Variants in GALK2 observed in about 807,000 individuals in gnomAD.
The protein encoded by GALK2 is galactokinase 2.
In GALK2, 36 loss-of-function variants were observed where a neutral mutation model predicts 52.4. The observed-to-expected ratio is 0.69, with a 90% CI of 0.53 to 0.91. The LOEUF is 0.91. Among genes scored for constraint, GALK2 ranks in the 40% least tolerant of loss-of-function variants. The pLI, the probability that GALK2 is intolerant of heterozygous loss-of-function variation, is 0.00. For synonymous variants in GALK2, 176 were observed against 199.1 expected, an observed-to-expected ratio of 0.88 and a Z score of 0.98; for missense variants, 579 against 559.1, an observed-to-expected ratio of 1.04 and a Z score of -0.36.
At chr15:49,334,382 G>C, downstream of GALK2, 1 of 274,408 alleles carries the variant, frequency 3.6e-6, no homozygotes, top group Non-Finnish European at 5.6e-6. Context: ...TGATATACAC[G>C]TGTTAGTAAA....
chr15:49,328,849 A>G lies in GALK2; in HGVS notation c.*690A>G, dbSNP rs2038014809. 7.3e-7 allele frequency: 1 copy of G among 1,362,934 alleles called. No homozygotes were observed. 84.4% of individuals were successfully genotyped at this position (1,362,934 alleles called of 1,614,324 possible). ...CATTTGAATATTTGTAAACCATGTA[A>G]TATATAAATAACCACTTTCAATTCT... is the stretch of plus-strand genomic sequence containing the variant. On this transcript the variant is annotated 3_prime_UTR_variant, in exon 10 of 10. Transcript: ENST00000560031.
intron 3 of GALK2, chr15:49,365,400 A>G (rs1341708700): frequency 9.1e-7 from 1 of 1,100,832 alleles, no homozygotes; most frequent in Non-Finnish European, 1.4e-6. Context: ...GAACCAGTCT[A>G]AACATCAACT....
At chr15:49,349,973 T>C (rs1246523303) in intron 3 of GALK2, among the ~76,000 whole-genome samples, 1 of 152,194 alleles carries the variant, frequency 6.6e-6, no homozygotes, top group East Asian at 1.9e-4. Context: ...TTAACTTTGT[T>C]GGTAACTTTG....
At position 49,328,771 on chromosome 15, in the gene GALK2, A is replaced by C. The variant is rs1042155771; in HGVS notation, c.*612A>C. 2.9e-5 allele frequency: 40 copies of C among 1,372,024 alleles called. No homozygotes were observed. Among genetic ancestry groups the C allele is most frequent in the Non-Finnish European group, 3.6e-5 (38 of 1,069,370 alleles). 85.0% of individuals were successfully genotyped at this position (1,372,024 alleles called of 1,614,324 possible). On this transcript the variant is annotated 3_prime_UTR_variant, in exon 10 of 10. Transcript: ENST00000560031. ...GATTTCTCCAGTTATCAAGAGACTA[A>C]GGATTTTTTTTTTTTTTTGACAAAA... is the stretch of plus-strand genomic sequence containing the variant.
chr15:49,261,220 G>C (rs1245125531), intron 5 of GALK2, among the ~76,000 whole-genome samples: 3 of 148,454 alleles, frequency 2.0e-5, no homozygotes, highest in Non-Finnish European at 4.5e-5. Flanking sequence ...TCTTCCATTT[G>C]TTTGTATCCT....
At chr15:49,170,054 G>A (rs1595864219), upstream of GALK2, 4 of 555,880 alleles carry the variant, frequency 7.2e-6, no homozygotes, top group South Asian at 1.1e-4. Context: ...GGGCTCCTGC[G>A]AGGCCCTAGT....
At chr15:49,349,524 T>G (rs2041961201) in intron 3 of GALK2, among the ~76,000 whole-genome samples, 1 of 152,196 alleles carries the variant, frequency 6.6e-6, no homozygotes, top group South Asian at 2.1e-4. Flanking sequence ...CTCTATTACA[T>G]AAGTTTTAAA....
At chr15:49,184,320 A>G (rs1014517629) in intron 1 of GALK2, among the ~76,000 whole-genome samples, 2 of 151,592 alleles carry the variant, frequency 1.3e-5, no homozygotes, top group Admixed American at 6.6e-5. Context: ...ATTGGCATGG[A>G]ATATCTTTTT....
intron 1 of GALK2, among the ~76,000 whole-genome samples, chr15:49,158,621 C>G (rs962007815): frequency 5.3e-5 from 8 of 151,694 alleles, no homozygotes; most frequent in African/African-American, 1.9e-4. Flanking sequence ...TCTTCCCATA[C>G]CATTAAAAAA....
rs2043163183 is a variant in GALK2, at chr15:49,356,330, A to C, written c.427-11161A>C. Among the ~76,000 whole-genome samples, 3 of 150,844 alleles carry C rather than the reference A, an allele frequency of 2.0e-5. No individual in the cohort carries two copies. The South Asian group carries it at 6.3e-4, about 32-fold the overall frequency. On this transcript the variant is annotated intron_variant, in intron 3 of 3. Transcript: ENST00000558399. Reference sequence around the variant, plus strand: ...CAAGACCCATCAGTGTGCTGTATTCAGGAAACCCATCTCATGTGCAGAGAC... The same window carrying C: ...CAAGACCCATCAGTGTGCTGTATTCCGGAAACCCATCTCATGTGCAGAGAC...
chr15:49,284,355 A>C (rs2033103264), intron 7 of GALK2, among the ~76,000 whole-genome samples: 1 of 152,236 alleles, frequency 6.6e-6, no homozygotes, highest in Non-Finnish European at 1.5e-5. Flanking sequence ...AGTAGAGTTA[A>C]GAGTTCAAGT....
At chr15:49,333,357 T>C (rs1364402922), downstream of GALK2, among the ~76,000 whole-genome samples, 2 of 152,186 alleles carry the variant, frequency 1.3e-5, no homozygotes, top group African/African-American at 4.8e-5. Context: ...ACGTGAGATT[T>C]ATATATCCAA....
At chr15:49,191,845 A>C (rs1273652678) in intron 1 of GALK2, among the ~76,000 whole-genome samples, 1 of 131,360 alleles carries the variant, frequency 7.6e-6, no homozygotes, top group East Asian at 2.3e-4. Flanking sequence ...AATGATCTCT[A>C]AGTGGTGATT....
At chr15:49,159,354 C>A (rs1045687433) in intron 1 of GALK2, among the ~76,000 whole-genome samples, 1 of 152,038 alleles carries the variant, frequency 6.6e-6, no homozygotes, top group Non-Finnish European at 1.5e-5. Flanking sequence ...GGCAGACGGA[C>A]CACCTGAGGT....
chr15:49,172,477 A>C (rs2085168444), intron 1 of GALK2, among the ~76,000 whole-genome samples: 1 of 152,182 alleles, frequency 6.6e-6, no homozygotes, highest in Non-Finnish European at 1.5e-5. Flanking sequence ...TATTTTATTA[A>C]ATCTAAATAG....
intron 3 of GALK2, chr15:49,365,382 T>C: frequency 8.1e-7 from 1 of 1,240,698 alleles, no homozygotes; most frequent in Non-Finnish European, 1.2e-6. Context: ...ACATAGTATA[T>C]ATACGAAGAA....
At chr15:49,197,038 G>T (rs1036352971) in intron 1 of GALK2, among the ~76,000 whole-genome samples, 1 of 152,144 alleles carries the variant, frequency 6.6e-6, no homozygotes, top group African/African-American at 2.4e-5. Context: ...AGCGAGCCGT[G>T]ATCATGCCAC....
chr15:49,161,163 C>T (rs2084639487), intron 1 of GALK2, among the ~76,000 whole-genome samples: 1 of 152,078 alleles, frequency 6.6e-6, no homozygotes, highest in Non-Finnish European at 1.5e-5. Context: ...TGCCTTATTC[C>T]TACAATGGGA....
intron 3 of GALK2, among the ~76,000 whole-genome samples, chr15:49,364,947 T>C (rs1318045573): frequency 2.6e-5 from 4 of 152,134 alleles, no homozygotes; most frequent in Non-Finnish European, 5.9e-5. Context: ...AACTTTAACA[T>C]TAAAAGCAAA....
Sources: allele counts gnomAD v4.1 joint callset (sites outside exome capture counted in the v4.1 genomes callset), GRCh38; gene constraint gnomAD v4.1.1; transcripts MANE v1.5; gene names NCBI Gene and HGNC (gene_info 2026-07-23, HGNC 2026-07-21).